LMNTD1: variants seen among roughly 807,000 people sequenced by gnomAD.
The protein encoded by LMNTD1 is lamin tail domain containing 1, also known as lamin tail domain-containing protein 1.
Under a neutral mutation model 50.9 loss-of-function variants are expected in LMNTD1, and 35 were observed. That is an observed-to-expected ratio of 0.69 (90% CI 0.53 to 0.91). LMNTD1 has a LOEUF of 0.91. Among genes scored for constraint, LMNTD1 ranks in the 40% least tolerant of loss-of-function variants. The probability of loss-of-function intolerance (pLI) is 0.00; values close to 1 mark genes in which losing one functional copy is unlikely to be tolerated. For missense variants in LMNTD1, 470 were observed against 475.5 expected, an observed-to-expected ratio of 0.99 and a Z score of 0.11; for synonymous variants, 153 against 161.9, an observed-to-expected ratio of 0.94 and a Z score of 0.42.
At chr12:25,575,072 C>T (rs761097396) in intron 1 of LMNTD1, among the ~76,000 whole-genome samples, 5 of 152,218 alleles carry the variant, frequency 3.3e-5, no homozygotes, top group Non-Finnish European at 7.4e-5. Context: ...CCCTGGTGAA[C>T]TTCTTCACTT....
rs1185471861 is a variant in LMNTD1 at position 25,538,097 on chromosome 12, T to C, written c.491+8277A>G. ...GTGAAAAGACCAAATCTACGTCTGA[T>C]TGGTGTACCTGAAAGTGATGGGGAG... On this transcript the variant is annotated intron_variant, in intron 4 of 9. Coordinates refer to ENST00000458174, the MANE Select transcript of LMNTD1 (RefSeq NM_001145728.2). Among the ~76,000 whole-genome samples the C allele has an allele frequency of 3.2e-5, 4 of 123,510 alleles. No individual in the cohort carries two copies. The East Asian group carries it at 7.2e-4, about 22-fold the overall frequency. The allele number at this position is 123,510 out of a possible 152,430, so 81.0% of individuals were successfully genotyped here.
intron 8 of LMNTD1, among the ~76,000 whole-genome samples, chr12:25,514,611 G>T (rs1308200946): frequency 6.6e-6 from 1 of 151,730 alleles, no homozygotes; most frequent in Admixed American, 6.6e-5. Flanking sequence ...AGTACAATAG[G>T]GTGACTACAG....
rs1048114288 is a variant in LMNTD1 at position 25,535,263 on chromosome 12, ACAAT to A, written c.492-8312_492-8309del. On this transcript the variant is annotated intron_variant, in intron 4 of 9. Transcript: ENST00000458174. ...AACAATATACACCATCCAAAAAGAA[ACAAT>A]CAGAGGAAAAAGTACATAAAAAGAT... Among the ~76,000 whole-genome samples, 7 of 152,214 alleles carry A rather than the reference ACAAT, an allele frequency of 4.6e-5. No homozygotes were observed. The South Asian group carries it at 8.3e-4, about 18-fold the overall frequency.
chr12:25,579,148 G>A (rs1446661646), intron 1 of LMNTD1, among the ~76,000 whole-genome samples: 1 of 152,170 alleles, frequency 6.6e-6, no homozygotes, highest in Non-Finnish European at 1.5e-5. Context: ...TGTCAAGTAA[G>A]TGTAAATATA....
intron 1 of LMNTD1, among the ~76,000 whole-genome samples, chr12:25,585,493 AG>A (rs1353533127): frequency 2.0e-5 from 3 of 152,212 alleles, no homozygotes; most frequent in African/African-American, 7.2e-5. Flanking sequence ...TCTTAACTCA[AG>A]GGAGATATTT....
At chr12:25,501,106 C>T (rs2135938000) in intron 9 of LMNTD1, among the ~76,000 whole-genome samples, 1 of 152,286 alleles carries the variant, frequency 6.6e-6, no homozygotes, top group Non-Finnish European at 1.5e-5. Flanking sequence ...TCTCTTGCCT[C>T]AGCCTCTCGA....
intron 4 of LMNTD1, among the ~76,000 whole-genome samples, chr12:25,535,007 T>C (rs1383516295): frequency 6.6e-6 from 1 of 151,732 alleles, no homozygotes; most frequent in Non-Finnish European, 1.5e-5. Context: ...CAATAAAAAA[T>C]TACCAGGCAT....
intron 8 of LMNTD1, among the ~76,000 whole-genome samples, chr12:25,508,479 C>T (rs1939994870): frequency 6.6e-6 from 1 of 151,998 alleles, no homozygotes; most frequent in Non-Finnish European, 1.5e-5. Flanking sequence ...TTTTCATTGC[C>T]TATGGGATTG....
At chr12:25,482,546 T>A (rs1938478764) in intron 9 of LMNTD1, among the ~76,000 whole-genome samples, 1 of 152,054 alleles carries the variant, frequency 6.6e-6, no homozygotes, top group African/African-American at 2.4e-5. Context: ...CAAAATCAGC[T>A]AAATTTTGAA....
intron 4 of LMNTD1, among the ~76,000 whole-genome samples, chr12:25,537,092 C>T (rs1942653017): frequency 6.6e-6 from 1 of 152,188 alleles, no homozygotes; most frequent in South Asian, 2.1e-4. Flanking sequence ...ATGGAGTCTC[C>T]CTGATTGCTA....
At chr12:25,629,094 T>C (rs149797053) in intron 1 of LMNTD1, among the ~76,000 whole-genome samples, 28 of 152,340 alleles carry the variant, frequency 1.8e-4, no homozygotes, top group African/African-American at 6.5e-4. Flanking sequence ...TAGAAATGTT[T>C]ATTAAAGAAA....
At chr12:25,569,839 G>A (rs995916136) in intron 1 of LMNTD1, among the ~76,000 whole-genome samples, 22 of 152,084 alleles carry the variant, frequency 1.4e-4, no homozygotes, top group African/African-American at 5.3e-4. Flanking sequence ...AGCAGATACT[G>A]GTACCATGCT....
rs888606020 is a variant in LMNTD1 at position 25,482,952 on chromosome 12, C to T, written c.*23-6492G>A. ...GGACCCATCTAGTTTGGTAAAGTAT[C>T]TTTAAGATTAAGGTTTTCAAAGCAG... On this transcript the variant is annotated intron_variant, in intron 9 of 9. Transcript: ENST00000458174. Among the ~76,000 whole-genome samples, 15 of 152,070 alleles carry T rather than the reference C, an allele frequency of 9.9e-5. 1 individual carries two copies. Among genetic ancestry groups the T allele is most frequent in the African/African-American group, 3.6e-4 (15 of 41,348 alleles).
chr12:25,602,072 T>C (rs1408320752), intron 1 of LMNTD1, among the ~76,000 whole-genome samples: 1 of 151,928 alleles, frequency 6.6e-6, no homozygotes, highest in Non-Finnish European at 1.5e-5. Context: ...TTTGACTATA[T>C]CTATCCATGC....
Position 25,553,263 on chromosome 12 carries a change from CAA to C in LMNTD1, c.-227_-226del. On this transcript the variant is annotated 5_prime_UTR_variant, in exon 1 of 10. Coordinates refer to ENST00000458174, the MANE Select transcript of LMNTD1 (RefSeq NM_001145728.2). ...GCAGCTTGAGAGGGCAGTAACTTGG[CAA>C]AGAGACCTTTATGACTACAGTTGTT... is the stretch of plus-strand genomic sequence containing the variant. The C allele has an allele frequency of 2.1e-6, 3 of 1,452,628 alleles. No individual in the cohort carries two copies. Among genetic ancestry groups the C allele is most frequent in the Non-Finnish European group, 2.7e-6 (3 of 1,105,924 alleles). 90.0% of individuals were successfully genotyped at this position (1,452,628 alleles called of 1,614,324 possible).
At chr12:25,509,355 G>A (rs1479652724) in intron 8 of LMNTD1, among the ~76,000 whole-genome samples, 3 of 152,152 alleles carry the variant, frequency 2.0e-5, no homozygotes, top group Admixed American at 6.5e-5. Context: ...TGATCTGCCT[G>A]CCTCGGCCTC....
chr12:25,509,193 C>T (rs550760174), intron 8 of LMNTD1, among the ~76,000 whole-genome samples: 108 of 152,250 alleles, frequency 7.1e-4, no homozygotes, highest in Non-Finnish European at 1.1e-3. Flanking sequence ...CTGCAACCTC[C>T]GCCTCCCAGG....
intron 1 of LMNTD1, among the ~76,000 whole-genome samples, chr12:25,600,156 G>A (rs752944406): frequency 6.6e-5 from 10 of 151,732 alleles, no homozygotes; most frequent in Non-Finnish European, 1.3e-4. Flanking sequence ...CACCTACAGC[G>A]AACTCATTTT....
intron 6 of LMNTD1, among the ~76,000 whole-genome samples, chr12:25,523,061 G>A (rs1591898589): frequency 6.6e-6 from 1 of 151,908 alleles, no homozygotes; most frequent in South Asian, 2.1e-4. Flanking sequence ...TCGAGACAGA[G>A]TCTTACTCTT....
Sources: allele counts gnomAD v4.1 joint callset (sites outside exome capture counted in the v4.1 genomes callset), GRCh38; gene constraint gnomAD v4.1.1; transcripts MANE v1.5; gene names NCBI Gene and HGNC (gene_info 2026-07-23, HGNC 2026-07-21).